CDC42EP1: variants seen among roughly 807,000 people sequenced by gnomAD.
CDC42EP1 encodes the protein CDC42 effector protein 1, also known as 55 kDa bone marrow stromal/endothelial cell protein.
In CDC42EP1, 6 loss-of-function variants were observed where a neutral mutation model predicts 7.4. The observed-to-expected ratio is 0.81, with a 90% CI of 0.44 to 1.60. The LOEUF (loss-of-function observed/expected upper bound fraction) is 1.60, where lower values mean the gene tolerates loss of function less well. CDC42EP1 is among the 40% of genes most tolerant of loss of function. The pLI, the probability that CDC42EP1 is intolerant of heterozygous loss-of-function variation, is 0.01. For missense variants in CDC42EP1, 567 were observed against 539.0 expected, an observed-to-expected ratio of 1.05 and a Z score of -0.51; for synonymous variants, 238 against 227.1, an observed-to-expected ratio of 1.05 and a Z score of -0.43.
intron 1 of CDC42EP1, chr22:37,563,751 CTT>C (rs1333244290): frequency 2.0e-5 from 3 of 152,220 alleles, no homozygotes; most frequent in Non-Finnish European, 1.5e-5. Context: ...TCATTATTGA[CTT>C]TTATCAGCTG....
At position 37,566,585 on chromosome 22, in the gene CDC42EP1, G is replaced by A. The variant is rs369211517; in HGVS notation, c.236G>A (p.Arg79His). The change falls in exon 2 of 3, where the codon CGC becomes CAC. Residue 79 changes from arginine (R) to histidine (H), a missense_variant. Transcript: ENST00000249014. The surrounding 1 kb of genome is among the most constrained non-coding windows in gnomAD (Gnocchi z 6.4). Reference protein sequence around the residue: ...GSSGSTHRSPRSFLAKKLQLV... With the variant: ...GSSGSTHRSPHSFLAKKLQLV... Reference sequence around the variant, plus strand: ...TCCGGGAGCACCCATCGCTCACCCCGCAGCTTCCTGGCCAAGAAGCTGCAG... The same window carrying A: ...TCCGGGAGCACCCATCGCTCACCCCACAGCTTCCTGGCCAAGAAGCTGCAG... 292 of 1,602,076 alleles carry A rather than the reference G, an allele frequency of 1.8e-4. 1 individual carries two copies. Among genetic ancestry groups the A allele is most frequent in the South Asian group, 4.2e-4 (38 of 89,990 alleles).
At chr22:37,560,852 G>A (rs975890713) in intron 1 of CDC42EP1, among the ~76,000 whole-genome samples, 1 of 152,000 alleles carries the variant, frequency 6.6e-6, no homozygotes, top group Non-Finnish European at 1.5e-5. Flanking sequence ...CGGCCAAAAT[G>A]CGCGAGGAGG....
rs1925344617 is a variant in CDC42EP1 at position 37,568,421 on chromosome 22, C to T, written c.777C>T (p.Pro259=). The T allele has an allele frequency of 2.8e-6, 1 of 356,664 alleles. No homozygotes were observed. The highest frequency in any genetic ancestry group is 4.6e-6 in the Non-Finnish European group (1 of 215,196). 22.1% of individuals were successfully genotyped at this position (356,664 alleles called of 1,614,324 possible). ...ACCCCCCAGCGCCTGCTGCAAACCC[C>T]TCAGCACCTGCCGCAACCCCCACGG... ...TANPPAPAAN[P]SAPAATPTGP... Residue 259 remains proline (P), a synonymous_variant, in exon 3 of 3, where the codon CCC becomes CCT. Transcript: ENST00000249014.
chr22:37,561,091 G>T (rs1925023614), intron 1 of CDC42EP1, among the ~76,000 whole-genome samples: 1 of 152,120 alleles, frequency 6.6e-6, no homozygotes, highest in Admixed American at 6.5e-5. Flanking sequence ...ATCCCGTCCG[G>T]TTCCCCTCCG....
intron 1 of CDC42EP1, chr22:37,565,696 C>T (rs1323264048): frequency 6.6e-6 from 1 of 150,634 alleles, no homozygotes; most frequent in Non-Finnish European, 1.5e-5. Flanking sequence ...TCTCCTGCCA[C>T]AGCTTCCTGG....
At chr22:37,561,372 C>T (rs1015006035) in intron 1 of CDC42EP1, among the ~76,000 whole-genome samples, 3 of 152,248 alleles carry the variant, frequency 2.0e-5, no homozygotes, top group Non-Finnish European at 4.4e-5. Flanking sequence ...AGACGCGGCC[C>T]GCAGCCGCTC....
chr22:37,566,579 C>T lies in CDC42EP1; in HGVS notation c.230C>T (p.Ser77Leu). ...HGGSSGSTHR[S>L]PRSFLAKKLQ... ...GGCAGCTCCGGGAGCACCCATCGCT[C>T]ACCCCGCAGCTTCCTGGCCAAGAAG... is the stretch of plus-strand genomic sequence containing the variant. The change falls in exon 2 of 3, where the codon TCA (serine) becomes TTA (leucine). Residue 77 changes from serine to leucine, a missense_variant. By Grantham distance (145) the Ser-to-Leu change is moderately radical. Transcript: ENST00000249014. This position sits in a 1 kb window ranked among gnomAD's most constrained non-coding sequence, Gnocchi z 6.4. 1.9e-6 allele frequency: 3 copies of T among 1,603,796 alleles called. No homozygotes were observed. The highest frequency in any genetic ancestry group is 2.6e-6 in the Non-Finnish European group (3 of 1,173,072).
At chr22:37,567,601 G>A (rs1159661921) in intron 2 of CDC42EP1, among the ~76,000 whole-genome samples, 1 of 152,224 alleles carries the variant, frequency 6.6e-6, no homozygotes, top group Admixed American at 6.5e-5. Context: ...TCTCAGGTCT[G>A]TAGTCCTGGA....
intron 1 of CDC42EP1, chr22:37,564,387 T>C (rs963846570): frequency 2.0e-5 from 3 of 152,208 alleles, no homozygotes; most frequent in Non-Finnish European, 4.4e-5. Flanking sequence ...AGTCTTTTCC[T>C]GCGGGCCTTC....
chr22:37,566,891 T>G lies in CDC42EP1; in HGVS notation c.463+79T>G, dbSNP rs1473211128. 9.2e-7 allele frequency: 1 copy of G among 1,090,088 alleles called. No individual in the cohort carries two copies. The highest frequency in any genetic ancestry group is 1.3e-6 in the Non-Finnish European group (1 of 764,374). 67.5% of individuals were successfully genotyped at this position (1,090,088 alleles called of 1,614,324 possible). On this transcript the variant is annotated intron_variant, in intron 2 of 2. Transcript: ENST00000249014. This position sits in a 1 kb window ranked among gnomAD's most constrained non-coding sequence, Gnocchi z 6.4. Reference sequence around the variant, plus strand: ...GAGGGGTTCAGTGGCTCCTCCAAGCTCCAAGTGAGCTCCAAGTGACCACAG... The same window carrying G: ...GAGGGGTTCAGTGGCTCCTCCAAGCGCCAAGTGAGCTCCAAGTGACCACAG...
chr22:37,562,756 G>C (rs1043981869), intron 1 of CDC42EP1, among the ~76,000 whole-genome samples: 1 of 144,060 alleles, frequency 6.9e-6, no homozygotes, highest in African/African-American at 2.5e-5. Flanking sequence ...AGTCAAAAGT[G>C]ACCATGGGGG....
In CDC42EP1 at chr22:37,567,814, G is replaced by A. The variant is rs761782304; in HGVS notation, c.464-294G>A. Among the ~76,000 whole-genome samples the A allele has an allele frequency of 1.4e-4, 21 of 152,160 alleles. 1 individual carries two copies. Among genetic ancestry groups the A allele is most frequent in the African/African-American group, 4.1e-4 (17 of 41,438 alleles). ...TGAGCTCCAGACTTGATTCCACCTC[G>A]TCAGACTTCTATGGCCTTGGGCTAG... On this transcript the variant is annotated intron_variant, in intron 2 of 2. Coordinates refer to ENST00000249014, the MANE Select transcript of CDC42EP1 (RefSeq NM_152243.3).
At position 37,568,931 on chromosome 22, in the gene CDC42EP1, C is replaced by T; in HGVS notation, c.*111C>T. 3.1e-6 allele frequency: 2 copies of T among 651,674 alleles called. No homozygotes were observed. Among genetic ancestry groups the T allele is most frequent in the East Asian group, 3.2e-5 (1 of 31,092 alleles). 40.4% of individuals were successfully genotyped at this position (651,674 alleles called of 1,614,324 possible). A position where few individuals can be genotyped will look rare whatever the true frequency, so the allele number is the denominator to read the frequency against. On this transcript the variant is annotated 3_prime_UTR_variant, in exon 3 of 3. Transcript: ENST00000249014. ...GAGAAGTCATGTTGCCCCTAAACCC[C>T]TCCCCACCTCTGCAGGACAGACATG...
intron 1 of CDC42EP1, among the ~76,000 whole-genome samples, chr22:37,561,711 C>T (rs1182617182): frequency 2.0e-5 from 3 of 152,076 alleles, no homozygotes; most frequent in Admixed American, 2.0e-4. Context: ...GGGGGGGCGT[C>T]ACCCAGCTGG....
At chr22:37,562,650 G>C (rs910232698) in intron 1 of CDC42EP1, among the ~76,000 whole-genome samples, 2 of 152,188 alleles carry the variant, frequency 1.3e-5, no homozygotes, top group African/African-American at 4.8e-5. Flanking sequence ...ACCGCAGTAG[G>C]CAGGGTAGTG....
intron 1 of CDC42EP1, among the ~76,000 whole-genome samples, chr22:37,561,612 G>A (rs1338628336): frequency 6.6e-6 from 1 of 152,230 alleles, no homozygotes; most frequent in Non-Finnish European, 1.5e-5. Flanking sequence ...GGAGAAGTCA[G>A]CCGACCGGTT....
chr22:37,567,112 C>A (rs1380142983), intron 2 of CDC42EP1, among the ~76,000 whole-genome samples: 1 of 152,150 alleles, frequency 6.6e-6, no homozygotes, highest in Non-Finnish European at 1.5e-5. Flanking sequence ...CCATTCTTGC[C>A]CCCTTCAACC....
chr22:37,566,456 A>C lies in CDC42EP1; in HGVS notation c.107A>C (p.Asp36Ala). The change falls in exon 2 of 3, where the codon GAC becomes GCC. Residue 36 changes from aspartate to alanine, a missense_variant. Asp to Ala is a moderately radical substitution (Grantham distance 126). Transcript: ENST00000249014. The surrounding 1 kb of genome is among the most constrained non-coding windows in gnomAD (Gnocchi z 6.4). ...CAGGGAAAGAGGCGGCTGACTGCAGACATGATCAGCCACCCACTCGGGGAC... is the reference window on the plus strand; with the variant it reads ...CAGGGAAAGAGGCGGCTGACTGCAGCCATGATCAGCCACCCACTCGGGGAC... ...SSQGKRRLTA[D>A]MISHPLGDFR... 1.2e-6 allele frequency: 2 copies of C among 1,612,820 alleles called. No homozygotes were observed. Among genetic ancestry groups the C allele is most frequent in the Non-Finnish European group, 1.7e-6 (2 of 1,179,510 alleles).
At chr22:37,565,561 T>G (rs928643674) in intron 1 of CDC42EP1, 1 of 138,766 alleles carries the variant, frequency 7.2e-6, no homozygotes, top group African/African-American at 2.7e-5. Flanking sequence ...GTTACTGAAC[T>G]TCCTTGTTTT....
Sources: allele counts gnomAD v4.1 joint callset (sites outside exome capture counted in the v4.1 genomes callset), GRCh38; gene constraint gnomAD v4.1.1; non-coding constraint Gnocchi (gnomAD v3.1); transcripts MANE v1.5; gene names NCBI Gene and HGNC (gene_info 2026-07-23, HGNC 2026-07-21).